Variants in RNF216 observed in about 807,000 individuals in gnomAD.
RNF216 encodes E3 ubiquitin-protein ligase RNF216.
RNF216 carries 72 observed loss-of-function variants against 110.8 expected under a neutral mutation model. That is an observed-to-expected ratio of 0.65 (90% confidence interval 0.54 to 0.79). RNF216 has a LOEUF of 0.79. Ranked by LOEUF, RNF216 falls within the 30% of genes least tolerant of loss-of-function variation. The probability of loss-of-function intolerance (pLI) is 0.00; values close to 1 mark genes in which losing one functional copy is unlikely to be tolerated. For synonymous variants in RNF216, 495 were observed against 407.5 expected (o/e 1.21, Z -2.59); for missense variants, 1,342 against 1,141.2 (o/e 1.18, Z -2.54).
chr7:5,660,533 A>C (rs561035180), intron 13 of RNF216, among the ~76,000 whole-genome samples: 1 of 151,046 alleles, frequency 6.6e-6, no homozygotes, highest in African/African-American at 2.4e-5. Context: ...CTGGTGATCC[A>C]CCCATCTCGG....
intron 13 of RNF216, among the ~76,000 whole-genome samples, chr7:5,674,560 C>G (rs374536048): frequency 6.6e-6 from 1 of 151,590 alleles, no homozygotes; most frequent in Non-Finnish European, 1.5e-5. Context: ...CCCAGGAGGT[C>G]GAGGCTGCAG....
Position 5,769,141 on chromosome 7 carries a change from C to T in RNF216, c.-69-8003G>A, listed in dbSNP as rs1444981251. Among the ~76,000 whole-genome samples, 19 of 132,544 alleles carry T rather than the reference C, an allele frequency of 1.4e-4. 1 individual carries two copies. Among genetic ancestry groups the T allele is most frequent in the African/African-American group, 1.4e-4 (5 of 34,994 alleles). 87.0% of individuals were successfully genotyped at this position (132,544 alleles called of 152,430 possible). A position where few individuals can be genotyped will look rare whatever the true frequency, so the allele number is the denominator to read the frequency against. On this transcript the variant is annotated intron_variant, in intron 1 of 16. Coordinates refer to ENST00000389902, the MANE Select transcript of RNF216 (RefSeq NM_207111.4). ...AATGCCTTTTTTTTTTTTTTTTTGACGGAGTTCCCCTCTGTTGCCAGACTG... is the reference window on the plus strand; with the variant it reads ...AATGCCTTTTTTTTTTTTTTTTTGATGGAGTTCCCCTCTGTTGCCAGACTG...
At position 5,725,449 on chromosome 7, in the gene RNF216, A is replaced by C; in HGVS notation, c.1390-11T>G. 1 of 1,456,914 alleles carries C rather than the reference A, an allele frequency of 6.9e-7. No homozygotes were observed. The highest frequency in any genetic ancestry group is 1.2e-5 in the South Asian group (1 of 86,934). The allele number at this position is 1,456,914 out of a possible 1,614,324, so 90.2% of individuals were successfully genotyped here. A position where few individuals can be genotyped will look rare whatever the true frequency, so the allele number is the denominator to read the frequency against. ...GGCATCAGACAAGGCCTAAAAATTG[A>C]GAAAAGGAAAGGTTCCTTCTGTAAA... On this transcript the variant is annotated splice_polypyrimidine_tract_variant and intron_variant, in intron 7 of 16. Transcript: ENST00000389902.
chr7:5,648,108 A>ATTT (rs111579094), intron 14 of RNF216, among the ~76,000 whole-genome samples: 5 of 143,910 alleles, frequency 3.5e-5, no homozygotes, highest in African/African-American at 1.3e-4. Flanking sequence ...CTTTAGCTCT[A>ATTT]TTTTTTTTTT....
rs370641671 is a variant in RNF216 at position 5,721,014 on chromosome 7, C to T, written c.1644+19G>A. 7.5e-5 allele frequency: 121 copies of T among 1,613,628 alleles called. No homozygotes were observed. The highest frequency in any genetic ancestry group is 3.5e-5 in the Non-Finnish European group (41 of 1,179,714). ...AGAATCCCAGAAACACACCCCAAGA[C>T]CAGAGCACATCTTCCTACCTCTGCC... On this transcript the variant is annotated intron_variant, in intron 9 of 16. Transcript: ENST00000389902.
At chr7:5,650,621 C>A (rs1044389147) in intron 14 of RNF216, among the ~76,000 whole-genome samples, 11 of 152,146 alleles carry the variant, frequency 7.2e-5, no homozygotes, top group Admixed American at 6.6e-4. Flanking sequence ...CTTCTACAGG[C>A]TACCTCAATC....
At chr7:5,683,596 G>C (rs763754969) in intron 13 of RNF216, among the ~76,000 whole-genome samples, 1 of 152,152 alleles carries the variant, frequency 6.6e-6, no homozygotes, top group Non-Finnish European at 1.5e-5. Flanking sequence ...ATGGGAGAGA[G>C]GTGCCAGTTG....
chr7:5,663,474 C>T (rs1360368334), intron 13 of RNF216, among the ~76,000 whole-genome samples: 3 of 151,040 alleles, frequency 2.0e-5, no homozygotes, highest in Non-Finnish European at 2.9e-5. Flanking sequence ...GTCCCAGCTA[C>T]TCGGGAGGCT....
intron 10 of RNF216, among the ~76,000 whole-genome samples, chr7:5,716,149 C>T (rs979245661): frequency 9.2e-5 from 14 of 152,168 alleles, no homozygotes; most frequent in African/African-American, 3.1e-4. Flanking sequence ...ATTTTGGCCT[C>T]TCAAAGTGCT....
intron 9 of RNF216, among the ~76,000 whole-genome samples, chr7:5,717,223 T>A (rs1793121269): frequency 6.6e-6 from 1 of 152,036 alleles, no homozygotes; most frequent in East Asian, 1.9e-4. Context: ...CATGGTGGCG[T>A]GCACCTGTAA....
chr7:5,621,071 C>T lies in RNF216; in HGVS notation c.*1789G>A, dbSNP rs1244391246. ...AGCAAGGACATAGCAGCAGGCTGCC[C>T]CCAAGCCCGGCCTCCCTGCGCACCC... On this transcript the variant is annotated 3_prime_UTR_variant, in exon 17 of 17. Coordinates refer to ENST00000389902, the MANE Select transcript of RNF216 (RefSeq NM_207111.4). 1 of 152,342 alleles carries T rather than the reference C, an allele frequency of 6.6e-6. No homozygotes were observed. The highest frequency in any genetic ancestry group is 2.4e-5 in the African/African-American group (1 of 41,458). The allele number at this position is 152,342 out of a possible 1,614,324, so 9.4% of individuals were successfully genotyped here.
In RNF216 at chr7:5,622,920, G is replaced by A; in HGVS notation, c.2712C>T (p.His904=). The change falls in exon 17 of 17, where the codon CAC becomes CAT. Residue 904 remains histidine, a synonymous_variant. Transcript: ENST00000389902. ...TGGGCAGGTTGTGCTCCAGGGGCAT[G>A]TGGATGGGACCGAAGTCATAGTTGA... The part of the protein sequence containing the change: ...VRVNYDFGPI[H]MPLEHNLPMH... 2 of 1,613,434 alleles carry A rather than the reference G, an allele frequency of 1.2e-6. No homozygotes were observed. Among genetic ancestry groups the A allele is most frequent in the East Asian group, 2.2e-5 (1 of 44,862 alleles).
At chr7:5,775,044 C>T (rs1254056542) in intron 1 of RNF216, 3 of 152,182 alleles carry the variant, frequency 2.0e-5, no homozygotes, top group Non-Finnish European at 4.4e-5. Flanking sequence ...CTGTGCCTGG[C>T]CTCTTTTCTT....
At chr7:5,763,164 C>T (rs1487289721) in intron 1 of RNF216, among the ~76,000 whole-genome samples, 4 of 151,990 alleles carry the variant, frequency 2.6e-5, no homozygotes, top group Non-Finnish European at 5.9e-5. Context: ...AAGGTGGGTA[C>T]CAATGAGGGA....
At chr7:5,750,922 A>G (rs1327674095) in intron 3 of RNF216, among the ~76,000 whole-genome samples, 5 of 16,250 alleles carry the variant, frequency 3.1e-4, no homozygotes, top group African/African-American at 1.2e-3. Context: ...TGTGCAGTTG[A>G]TGGCGCTTCT....
intron 13 of RNF216, among the ~76,000 whole-genome samples, chr7:5,697,003 G>C (rs137903337): frequency 1.7e-3 from 260 of 152,242 alleles, no homozygotes; most frequent in Middle Eastern, 3.4e-3. Flanking sequence ...CAGGGACGGG[G>C]GTAGGGGAAG....
intron 8 of RNF216, among the ~76,000 whole-genome samples, chr7:5,723,173 T>C (rs370785821): frequency 5.3e-4 from 80 of 152,254 alleles, no homozygotes; most frequent in African/African-American, 1.8e-3. Flanking sequence ...AATGAATTAA[T>C]CCATTAAAGC....
At chr7:5,667,312 G>T (rs1789593447) in intron 13 of RNF216, among the ~76,000 whole-genome samples, 1 of 152,034 alleles carries the variant, frequency 6.6e-6, no homozygotes, top group African/African-American at 2.4e-5. Context: ...TCTTACTATA[G>T]GTCACAAACA....
intron 13 of RNF216, among the ~76,000 whole-genome samples, chr7:5,685,953 T>C (rs1290586423): frequency 2.0e-5 from 3 of 152,138 alleles, no homozygotes; most frequent in Non-Finnish European, 4.4e-5. Context: ...CCGGGCGCGG[T>C]GGCTCACACC....
Sources: allele counts gnomAD v4.1 joint callset (sites outside exome capture counted in the v4.1 genomes callset), GRCh38; gene constraint gnomAD v4.1.1; transcripts MANE v1.5; gene names NCBI Gene and HGNC (gene_info 2026-07-23, HGNC 2026-07-21).